Variants in KITLG observed in about 807,000 individuals in gnomAD.
KITLG encodes KIT ligand, also known as c-Kit ligand.
A neutral mutation model predicts 34.1 loss-of-function variants in KITLG; 13 were observed. The ratio of observed to expected loss-of-function variants is 0.38; its 90% CI spans 0.25 to 0.61. The LOEUF is 0.61. KITLG is among the 20% of genes least tolerant of loss of function. The pLI is 0.60. For missense variants in KITLG, 292 were observed against 318.9 expected, an observed-to-expected ratio of 0.92 and a Z score of 0.64; for synonymous variants, 110 against 104.0, an observed-to-expected ratio of 1.06 and a Z score of -0.35.
chr12:88,537,955 T>C (rs1005040278), intron 2 of KITLG, among the ~76,000 whole-genome samples: 2 of 152,140 alleles, frequency 1.3e-5, no homozygotes, highest in African/African-American at 2.4e-5. Flanking sequence ...CCCTGAAACC[T>C]ACTAACTCAG....
intron 2 of KITLG, among the ~76,000 whole-genome samples, chr12:88,534,483 C>T (rs942378270): frequency 2.0e-5 from 3 of 152,048 alleles, no homozygotes; most frequent in African/African-American, 7.2e-5. Flanking sequence ...AAGGAATCCT[C>T]GCATGTGTCA....
At chr12:88,563,736 G>A (rs927818344) in intron 1 of KITLG, among the ~76,000 whole-genome samples, 3 of 152,146 alleles carry the variant, frequency 2.0e-5, no homozygotes, top group Admixed American at 6.5e-5. Context: ...CAAGGTGGGC[G>A]GATCACCTAA....
intron 3 of KITLG, among the ~76,000 whole-genome samples, chr12:88,519,211 CAG>C (rs1869570096): frequency 6.6e-6 from 1 of 151,910 alleles, no homozygotes. Flanking sequence ...AATAGGAGGA[CAG>C]GGGTTATTGT....
rs17015901 is a variant in KITLG at position 88,580,435 on chromosome 12, A to G, written c.-157T>C. ...CCTCTCCACTGTCCCTGCTTCCCGC[A>G]GCGCTTCTAGTCTCGGCGCGAGGCG... On this transcript the variant is annotated 5_prime_UTR_variant, in exon 1 of 10. Transcript: ENST00000644744. The G allele has an allele frequency of 3.9e-3, 3,471 of 896,564 alleles. 147 individuals carry two copies. In the East Asian group the frequency reaches 0.084, roughly 22 times the overall value. 55.5% of individuals were successfully genotyped at this position (896,564 alleles called of 1,614,324 possible).
rs1326808508 is a variant in KITLG, at chr12:88,574,310, A to T, written c.15+5954T>A. Among the ~76,000 whole-genome samples, 4 of 152,176 alleles carry T rather than the reference A, an allele frequency of 2.6e-5. No individual in the cohort carries two copies. In the Middle Eastern group the frequency reaches 0.014, roughly 518 times the overall value. ...TAAAAGAAAAAAAAAAAAAGAAAAA[A>T]AGAAAAGGGCTACGGCTAGCTGCTG... On this transcript the variant is annotated intron_variant, in intron 1 of 9. Coordinates refer to ENST00000644744, the MANE Select transcript of KITLG (RefSeq NM_000899.5).
chr12:88,574,216 G>A (rs1305503130), intron 1 of KITLG, among the ~76,000 whole-genome samples: 4 of 151,408 alleles, frequency 2.6e-5, no homozygotes, highest in African/African-American at 9.7e-5. Flanking sequence ...CTCCTAGCTT[G>A]AGGAGGGTCC....
intron 2 of KITLG, among the ~76,000 whole-genome samples, chr12:88,538,433 T>A (rs937023247): frequency 6.6e-6 from 1 of 151,626 alleles, no homozygotes; most frequent in African/African-American, 2.4e-5. Flanking sequence ...GCAAACTAGA[T>A]AATTTCTATA....
intron 5 of KITLG, 86 bp downstream of exon 5, chr12:88,516,248 G>T (rs1869449977): frequency 1.7e-6 from 2 of 1,146,382 alleles, no homozygotes; most frequent in Non-Finnish European, 2.6e-6. Context: ...TCTTGCTACA[G>T]CTTAACACAG....
rs562647600 is a variant in KITLG, at chr12:88,537,805, T to A, written c.130-5302A>T. ...CATGAAATAAATTCTGCTTCTCTGATATATATCACTGTGGAAAGTTTCACA... is the reference window on the plus strand; with the variant it reads ...CATGAAATAAATTCTGCTTCTCTGAAATATATCACTGTGGAAAGTTTCACA... On this transcript the variant is annotated intron_variant, in intron 2 of 9. Transcript: ENST00000644744. Among the ~76,000 whole-genome samples the A allele has an allele frequency of 4.6e-5, 7 of 152,258 alleles. No individual in the cohort carries two copies. In the South Asian group the frequency reaches 1.2e-3, roughly 27 times the overall value.
chr12:88,515,545 C>T lies in KITLG; in HGVS notation c.593G>A (p.Ser198Asn), dbSNP rs770072963. 1.2e-6 allele frequency: 2 copies of T among 1,606,488 alleles called. No individual in the cohort carries two copies. Residue 198 changes from serine (S) to asparagine (N), a missense_variant, in exon 6 of 10, where the codon AGT becomes AAT. Transcript: ENST00000644744. ...VAASSLRNDS[S>N]SSNRKAKNPP... ...ATATATGTACTTACTATTACTGCTA[C>T]TGCTGTCATTCCTAAGGGAGCTGGC...
chr12:88,542,171 A>C (rs1485391855), intron 2 of KITLG, among the ~76,000 whole-genome samples: 3 of 152,174 alleles, frequency 2.0e-5, no homozygotes, highest in Admixed American at 6.6e-5. Flanking sequence ...TCAAAGCTGA[A>C]AAAGGCCTCC....
chr12:88,562,760 C>T (rs2120958710), intron 1 of KITLG, among the ~76,000 whole-genome samples: 1 of 152,200 alleles, frequency 6.6e-6, no homozygotes, highest in South Asian at 2.1e-4. Flanking sequence ...CTACAAGCTC[C>T]AAGAAGGGCA....
At chr12:88,574,682 T>A (rs1331086531) in intron 1 of KITLG, among the ~76,000 whole-genome samples, 1 of 152,198 alleles carries the variant, frequency 6.6e-6, no homozygotes, top group African/African-American at 2.4e-5. Flanking sequence ...TTCTTGGTTT[T>A]CTTTCTCCAT....
rs1189087600 is a variant in KITLG at position 88,516,485 on chromosome 12, T to C, written c.369A>G (p.Leu123=). 1 of 1,597,142 alleles carries C rather than the reference T, an allele frequency of 6.3e-7. No individual in the cohort carries two copies. Among genetic ancestry groups the C allele is most frequent in the Non-Finnish European group, 8.5e-7 (1 of 1,171,270 alleles). The change falls in exon 5 of 10, where the codon CTA becomes CTG. Residue 123 remains leucine (L), a synonymous_variant. Transcript: ENST00000644744. ...ECVKENSSKD[L]KKSFKSPEPR... ...GTTCTGGGCTCTTGAATGATTTTTT[T>C]AGATCCTAGAAGAAAAAATAGGATT...
intron 1 of KITLG, 76 bp from the exon 2 acceptor site, chr12:88,545,941 C>A (rs993086709): frequency 2.4e-6 from 2 of 837,602 alleles, no homozygotes; most frequent in African/African-American, 1.7e-5. Flanking sequence ...ACATCTAATG[C>A]CTTGATGCAC....
intron 2 of KITLG, among the ~76,000 whole-genome samples, chr12:88,541,688 A>AT (rs1280960684): frequency 3.3e-5 from 5 of 152,302 alleles, no homozygotes; most frequent in South Asian, 2.1e-4. Context: ...ATGTTGCAAC[A>AT]TTTTTTTAGA....
intron 4 of KITLG, among the ~76,000 whole-genome samples, chr12:88,516,875 T>C (rs1287024295): frequency 6.7e-6 from 1 of 150,054 alleles, no homozygotes; most frequent in Non-Finnish European, 1.5e-5. Context: ...TAATGCATGC[T>C]CTAATATCCA....
Position 88,497,293 on chromosome 12 carries a change from G to A in KITLG, c.*38-112C>T, listed in dbSNP as rs1270097080. On this transcript the variant is annotated intron_variant, in intron 9 of 9. Transcript: ENST00000644744. Reference sequence around the variant, plus strand: ...ACAGAATGAGTAACAAATTTGCAATGTATGCTTCACTTATATAGCAGAAAA... The same window carrying A: ...ACAGAATGAGTAACAAATTTGCAATATATGCTTCACTTATATAGCAGAAAA... The A allele has an allele frequency of 7.1e-5, 18 of 252,732 alleles. 2 individuals are homozygous for A. The highest frequency in any genetic ancestry group is 6.1e-4 in the South Asian group (16 of 26,400). The allele number at this position is 252,732 out of a possible 1,614,324, so 15.7% of individuals were successfully genotyped here.
chr12:88,535,351 T>C (rs1870270417), intron 2 of KITLG, among the ~76,000 whole-genome samples: 1 of 152,182 alleles, frequency 6.6e-6, no homozygotes, highest in South Asian at 2.1e-4. Flanking sequence ...ATAATACTGT[T>C]TTTGAAACGT....
Sources: allele counts gnomAD v4.1 joint callset (sites outside exome capture counted in the v4.1 genomes callset), GRCh38; gene constraint gnomAD v4.1.1; transcripts MANE v1.5; gene names NCBI Gene and HGNC (gene_info 2026-07-23, HGNC 2026-07-21).